RTN1: variants seen among roughly 807,000 people sequenced by gnomAD.
The protein encoded by RTN1 is reticulon 1, also known as reticulon-1.
RTN1 carries 25 observed loss-of-function variants against 65.5 expected under a neutral mutation model. That is an observed-to-expected ratio of 0.38 (90% CI 0.28 to 0.53). The LOEUF is 0.53. Among genes scored for constraint, RTN1 ranks in the 20% least tolerant of loss-of-function variants. The probability of loss-of-function intolerance (pLI) is 0.79; values close to 1 mark genes in which losing one functional copy is unlikely to be tolerated. For synonymous variants in RTN1, 471 were observed against 447.6 expected, an observed-to-expected ratio of 1.05 and a Z score of -0.66; for missense variants, 983 against 1,025.4, an observed-to-expected ratio of 0.96 and a Z score of 0.57.
intron 3 of RTN1, among the ~76,000 whole-genome samples, chr14:59,668,657 T>C (rs1373318018): frequency 6.6e-6 from 1 of 152,148 alleles, no homozygotes; most frequent in Non-Finnish European, 1.5e-5. Context: ...ACCATCACAG[T>C]GCACAGGCAA....
At chr14:59,693,883 G>C (rs948813576) in intron 3 of RTN1, among the ~76,000 whole-genome samples, 7 of 152,164 alleles carry the variant, frequency 4.6e-5, no homozygotes, top group Admixed American at 1.3e-4. Flanking sequence ...GCTGGTCTAT[G>C]CCACAATGGA....
chr14:59,633,548 C>G (rs1446903187), intron 3 of RTN1, among the ~76,000 whole-genome samples: 1 of 152,130 alleles, frequency 6.6e-6, no homozygotes, highest in Non-Finnish European at 1.5e-5. Context: ...AAGCTCTTGC[C>G]AAGATCAAAA....
chr14:59,618,119 A>G (rs1882155409), intron 3 of RTN1, among the ~76,000 whole-genome samples: 1 of 152,224 alleles, frequency 6.6e-6, no homozygotes, highest in African/African-American at 2.4e-5. Flanking sequence ...CTAACTTTGG[A>G]AGAAACTTAG....
chr14:59,798,512 C>T (rs1221053278), intron 1 of RTN1, among the ~76,000 whole-genome samples: 2 of 152,152 alleles, frequency 1.3e-5, no homozygotes, highest in Admixed American at 1.3e-4. Flanking sequence ...TAGCTGCCTA[C>T]ATTCCTTGGC....
chr14:59,654,523 G>GAA (rs35560804), intron 3 of RTN1, among the ~76,000 whole-genome samples: 8 of 132,234 alleles, frequency 6.0e-5, no homozygotes, highest in East Asian at 2.2e-4. Flanking sequence ...AAGTCATTAT[G>GAA]AAAAAAAAAA....
intron 3 of RTN1, among the ~76,000 whole-genome samples, chr14:59,645,965 G>C (rs1882886780): frequency 6.6e-6 from 1 of 152,162 alleles, no homozygotes; most frequent in Non-Finnish European, 1.5e-5. Flanking sequence ...TCTTAACCAG[G>C]GTTGGCTGGA....
rs182349739 is a variant in RTN1 at position 59,834,612 on chromosome 14, C to T, written c.241+35778G>A. ...CAAAGAAGATATATGGCATTTGTAG[C>T]ACAGAAAAAGCAAGTGGCATAGAAA... On this transcript the variant is annotated intron_variant, in intron 1 of 8. Transcript: ENST00000267484. 3.3e-5 allele frequency among the ~76,000 whole-genome samples: 5 copies of T among 152,062 alleles called. No individual in the cohort carries two copies. The East Asian group carries it at 7.7e-4, about 24-fold the overall frequency.
chr14:59,707,764 CACAT>C (rs1445954000), intron 3 of RTN1, among the ~76,000 whole-genome samples: 1 of 151,962 alleles, frequency 6.6e-6, no homozygotes, highest in African/African-American at 2.4e-5. Flanking sequence ...CACAAACACA[CACAT>C]GCACTGAAAC....
chr14:59,675,966 C>T (rs1427528054), intron 3 of RTN1, among the ~76,000 whole-genome samples: 1 of 152,140 alleles, frequency 6.6e-6, no homozygotes. Flanking sequence ...TCTCTGATAA[C>T]CCCCACTCCC....
At chr14:59,634,212 A>G (rs1882615189) in intron 3 of RTN1, among the ~76,000 whole-genome samples, 1 of 152,216 alleles carries the variant, frequency 6.6e-6, no homozygotes, top group Admixed American at 6.5e-5. Flanking sequence ...CCATTAAGAT[A>G]TATGGGAGAA....
chr14:59,692,905 A>G (rs1359940647), intron 3 of RTN1, among the ~76,000 whole-genome samples: 13 of 152,352 alleles, frequency 8.5e-5, no homozygotes, highest in Non-Finnish European at 1.9e-4. Context: ...CATATGAAGA[A>G]GTAATGAGCC....
At chr14:59,645,419 C>G (rs538542472) in intron 3 of RTN1, among the ~76,000 whole-genome samples, 8 of 152,244 alleles carry the variant, frequency 5.3e-5, no homozygotes, top group African/African-American at 1.9e-4. Context: ...CTATATGTTA[C>G]ATGTTTTCTA....
At chr14:59,817,631 T>TC (rs1886846667) in intron 1 of RTN1, among the ~76,000 whole-genome samples, 1 of 26,686 alleles carries the variant, frequency 3.7e-5, no homozygotes, top group Non-Finnish European at 9.8e-5. Context: ...CTCCCTTTGA[T>TC]TTTTTTTTTT....
intron 3 of RTN1, among the ~76,000 whole-genome samples, chr14:59,683,682 T>C (rs1001541499): frequency 6.6e-6 from 1 of 152,146 alleles, no homozygotes; most frequent in Non-Finnish European, 1.5e-5. Context: ...GTATTCTATC[T>C]CCATAGTAGG....
chr14:59,644,523 G>C (rs1485858303), intron 3 of RTN1, among the ~76,000 whole-genome samples: 1 of 152,174 alleles, frequency 6.6e-6, no homozygotes, highest in African/African-American at 2.4e-5. Context: ...GGGAGCTTTA[G>C]ATACCCGGGC....
chr14:59,787,469 C>CCTTGGTCAGCA (rs1886270587), intron 1 of RTN1, among the ~76,000 whole-genome samples: 1 of 152,204 alleles, frequency 6.6e-6, no homozygotes. Flanking sequence ...CTCTCCTCCC[C>CCTTGGTCAGCA]CTTGGTCAGC....
chr14:59,606,938 C>A (rs1295833362), intron 4 of RTN1, among the ~76,000 whole-genome samples: 2 of 152,214 alleles, frequency 1.3e-5, no homozygotes, highest in Non-Finnish European at 2.9e-5. Flanking sequence ...CATGTCATGT[C>A]ACTTCTCAGA....
intron 3 of RTN1, among the ~76,000 whole-genome samples, chr14:59,620,299 G>A (rs1210000325): frequency 6.6e-6 from 1 of 152,144 alleles, no homozygotes; most frequent in East Asian, 1.9e-4. Flanking sequence ...TGAGTCAAGA[G>A]GTTCCTGAGA....
chr14:59,837,535 A>G (rs1346841152), intron 1 of RTN1, among the ~76,000 whole-genome samples: 6 of 152,104 alleles, frequency 3.9e-5, no homozygotes, highest in African/African-American at 1.2e-4. Flanking sequence ...ATAAATGTAT[A>G]TAACAAAAAA....
Sources: allele counts gnomAD v4.1 joint callset (sites outside exome capture counted in the v4.1 genomes callset), GRCh38; gene constraint gnomAD v4.1.1; transcripts MANE v1.5; gene names NCBI Gene and HGNC (gene_info 2026-07-23, HGNC 2026-07-21).